The following ASTN1 variants were observed in gnomAD, a reference collection of about 807,000 sequenced individuals.
The protein encoded by ASTN1 is astrotactin 1.
ASTN1 carries 41 observed loss-of-function variants against 140.7 expected under a neutral mutation model. The ratio of observed to expected loss-of-function variants is 0.29; its 90% CI spans 0.23 to 0.38. The LOEUF (loss-of-function observed/expected upper bound fraction) is 0.38. Ranked by LOEUF, ASTN1 falls within the 10% of genes least tolerant of loss-of-function variation. The pLI, the probability that ASTN1 is intolerant of heterozygous loss-of-function variation, is 1.00. For missense variants in ASTN1, 1,479 were observed against 1,678.8 expected (o/e 0.88, Z 2.08); for synonymous variants, 640 against 652.2 (o/e 0.98, Z 0.29).
Position 177,032,658 on chromosome 1 carries a change from G to A in ASTN1, c.663C>T (p.Arg221=), listed in dbSNP as rs759575707. The A allele has an allele frequency of 4.3e-6, 7 of 1,614,144 alleles. No homozygotes were observed. Among genetic ancestry groups the A allele is most frequent in the East Asian group, 2.2e-5 (1 of 44,880 alleles). The change falls in exon 3 of 23, where the codon CGC becomes CGT. Residue 221 remains arginine (R), a synonymous_variant. Transcript: ENST00000361833. ...GHGRESLRNA[R]VQGHNSSGTL... ...TGCCACTGGAGTTGTGGCCCTGCAC[G>A]CGGGCATTGCGCAGGCTCTCCCGTC...
chr1:176,887,965 G>A lies in ASTN1; in HGVS notation c.3074+106C>T, dbSNP rs754503711. On this transcript the variant is annotated intron_variant, in intron 18 of 22. Coordinates refer to ENST00000361833, the MANE Select transcript of ASTN1 (RefSeq NM_004319.3). ...AAAGCTCTCTAAAGGCAGGTATTGT[G>A]TCATATTTTTCTTTGTTTCCCAGTA... The A allele has an allele frequency of 6.5e-4, 959 of 1,480,046 alleles. 1 individual carries two copies. The highest frequency in any genetic ancestry group is 8.4e-4 in the Non-Finnish European group (908 of 1,087,292). 91.7% of individuals were successfully genotyped at this position (1,480,046 alleles called of 1,614,324 possible).
At chr1:177,016,850 T>C (rs920751928) in intron 7 of ASTN1, among the ~76,000 whole-genome samples, 1 of 152,242 alleles carries the variant, frequency 6.6e-6, no homozygotes, top group African/African-American at 2.4e-5. Context: ...GTCTCAAATA[T>C]ACTTTTCCTT....
At chr1:176,926,420 C>T (rs146226031) in intron 16 of ASTN1, among the ~76,000 whole-genome samples, 104 of 152,226 alleles carry the variant, frequency 6.8e-4, no homozygotes, top group Non-Finnish European at 1.3e-3. Flanking sequence ...CAAATTAAAT[C>T]CTCACACATA....
chr1:177,099,128 A>C (rs1213761369), intron 1 of ASTN1, among the ~76,000 whole-genome samples: 1 of 152,182 alleles, frequency 6.6e-6, no homozygotes, highest in Admixed American at 6.5e-5. Context: ...AACACACTGG[A>C]TATAATCTCT....
intron 16 of ASTN1, among the ~76,000 whole-genome samples, chr1:176,931,315 A>C (rs933492010): frequency 6.6e-6 from 1 of 152,088 alleles, no homozygotes; most frequent in African/African-American, 2.4e-5. Flanking sequence ...TAAATACAAA[A>C]ATTGGCCAGG....
At chr1:176,925,808 C>T (rs1670930953) in intron 16 of ASTN1, among the ~76,000 whole-genome samples, 1 of 136,430 alleles carries the variant, frequency 7.3e-6, no homozygotes, top group African/African-American at 2.5e-5. Flanking sequence ...TAGGTAAAGG[C>T]ATTCTTTTTT....
At chr1:176,934,389 G>A (rs1179082423) in intron 15 of ASTN1, 49 bp from the exon 16 acceptor site, 2 of 1,525,842 alleles carry the variant, frequency 1.3e-6, no homozygotes, top group Admixed American at 1.8e-5. Context: ...CAGATTTTGG[G>A]TATACGGATT....
intron 11 of ASTN1, among the ~76,000 whole-genome samples, chr1:176,951,983 C>T (rs997134675): frequency 6.6e-6 from 1 of 151,990 alleles, no homozygotes; most frequent in Non-Finnish European, 1.5e-5. Context: ...GTCTAGGGTC[C>T]CAGTGGTGGA....
At chr1:177,018,655 A>G (rs1404323968) in intron 7 of ASTN1, among the ~76,000 whole-genome samples, 1 of 152,174 alleles carries the variant, frequency 6.6e-6, no homozygotes, top group African/African-American at 2.4e-5. Flanking sequence ...GCCAGGATTG[A>G]TGGGGGCTGT....
chr1:176,982,222 G>A (rs997550365), intron 8 of ASTN1, among the ~76,000 whole-genome samples: 1 of 152,166 alleles, frequency 6.6e-6, no homozygotes, highest in African/African-American at 2.4e-5. Context: ...GATTCCTGTG[G>A]GAAAGAAATA....
chr1:176,861,744 G>A lies in ASTN1; in HGVS notation c.*2540C>T. ...GTGGGGAGAACTCAACGAGAAACAG[G>A]AGGAAGAAAGTCTTGGGGAAAGAGG... is the stretch of plus-strand genomic sequence containing the variant. On this transcript the variant is annotated 3_prime_UTR_variant, in exon 23 of 23. Transcript: ENST00000361833. The A allele has an allele frequency of 1.0e-6, 1 of 985,494 alleles. No individual in the cohort carries two copies. The highest frequency in any genetic ancestry group is 1.2e-6 in the Non-Finnish European group (1 of 830,026). The allele number at this position is 985,494 out of a possible 1,614,324, so 61.0% of individuals were successfully genotyped here.
At chr1:176,952,548 AAC>A (rs528741383) in intron 11 of ASTN1, among the ~76,000 whole-genome samples, 11 of 152,020 alleles carry the variant, frequency 7.2e-5, no homozygotes, top group Non-Finnish European at 1.2e-4. Context: ...TGGGAACCCG[AAC>A]ACACATTCTT....
intron 8 of ASTN1, among the ~76,000 whole-genome samples, chr1:176,997,506 G>T (rs1674510027): frequency 6.6e-6 from 1 of 151,966 alleles, no homozygotes; most frequent in Admixed American, 6.6e-5. Flanking sequence ...AGGAGGTGAT[G>T]GGTTGTGAGG....
intron 16 of ASTN1, among the ~76,000 whole-genome samples, chr1:176,905,211 G>T (rs189204409): frequency 6.6e-6 from 1 of 152,178 alleles, no homozygotes; most frequent in Non-Finnish European, 1.5e-5. Flanking sequence ...CAGCTCCACA[G>T]TACAAACACT....
chr1:177,088,979 G>A (rs567226405), intron 1 of ASTN1, among the ~76,000 whole-genome samples: 17 of 152,172 alleles, frequency 1.1e-4, no homozygotes, highest in Admixed American at 7.9e-4. Flanking sequence ...CGGGGGCAGG[G>A]AAAGTCATAT....
intron 1 of ASTN1, among the ~76,000 whole-genome samples, chr1:177,096,174 C>T (rs934659595): frequency 6.6e-6 from 1 of 152,146 alleles, no homozygotes; most frequent in Non-Finnish European, 1.5e-5. Context: ...TTCACAGGTT[C>T]ACAGCTGTAG....
At chr1:177,148,596 C>CCA (rs375439777) in intron 1 of ASTN1, among the ~76,000 whole-genome samples, 218 of 151,448 alleles carry the variant, frequency 1.4e-3, no homozygotes, top group African/African-American at 5.0e-3. Flanking sequence ...TTTGAAGGCA[C>CCA]CCAACTGATT....
At chr1:177,150,380 G>A (rs1297099870) in intron 1 of ASTN1, among the ~76,000 whole-genome samples, 3 of 152,232 alleles carry the variant, frequency 2.0e-5, no homozygotes, top group Admixed American at 2.0e-4. Flanking sequence ...GGGGGTAAAG[G>A]TAAAGCATGT....
chr1:176,876,560 A>G lies in ASTN1; in HGVS notation c.3440T>C (p.Val1147Ala), dbSNP rs772738281. The G allele has an allele frequency of 1.2e-6, 2 of 1,614,062 alleles. No individual in the cohort carries two copies. The highest frequency in any genetic ancestry group is 1.7e-5 in the Admixed American group (1 of 60,010). Residue 1147 changes from valine (V) to alanine (A), a missense_variant, in exon 21 of 23, where the codon GTG becomes GCG. By Grantham distance (64) the Val-to-Ala change is moderately conservative (BLOSUM62 0). Around this residue, in one of 3 missense-constraint regions of ASTN1, gnomAD observed 746 missense variants for 800.9 expected, o/e 0.93. Transcript: ENST00000361833. ...ACCTTGAGCCTTGACATCATCCACC[A>G]CGGGGCATGGGGTCTTCACGATCAC... ...SDVIVKTPCP[V>A]VDDVKAQEIA...
Sources: allele counts gnomAD v4.1 joint callset (sites outside exome capture counted in the v4.1 genomes callset), GRCh38; gene constraint gnomAD v4.1.1; regional missense constraint gnomAD v4.1.1; transcripts MANE v1.5; gene names NCBI Gene and HGNC (gene_info 2026-07-23, HGNC 2026-07-21).